Variants in NEAT1 observed in about 807,000 individuals in gnomAD.
NEAT1 encodes the protein nuclear paraspeckle assembly transcript 1.
chr11:65,440,540 G>GA (rs1276231070), exon 1 of NEAT1: 1 of 152,006 alleles, frequency 6.6e-6, no homozygotes, highest in African/African-American at 2.4e-5. Flanking sequence ...CAAATGCTGG[G>GA]AGGGAGGCAG....
At chr11:65,430,667 G>C (rs755167876) in exon 1 of NEAT1, 1 of 152,202 alleles carries the variant, frequency 6.6e-6, no homozygotes, top group Admixed American at 6.5e-5. Context: ...ACTTTAAATC[G>C]TGCAGCTGTG....
chr11:65,425,229 G>C (rs1275649734), exon 1 of NEAT1: 1 of 152,152 alleles, frequency 6.6e-6, no homozygotes, highest in Non-Finnish European at 1.5e-5. Context: ...AAATTGTTTT[G>C]CTTTGCTACA....
At chr11:65,438,306 A>G (rs560092562) in exon 1 of NEAT1, 2 of 152,274 alleles carry the variant, frequency 1.3e-5, no homozygotes, top group Non-Finnish European at 2.9e-5. Context: ...ATATTTATGT[A>G]TGTATTTTAT....
chr11:65,426,719 G>A (rs915885496), exon 1 of NEAT1: 1 of 152,188 alleles, frequency 6.6e-6, no homozygotes, highest in Non-Finnish European at 1.5e-5. Flanking sequence ...ACTGCTGAGT[G>A]GGGATGGGAT....
At chr11:65,442,479 T>A (rs936185783) in exon 1 of NEAT1, 2 of 152,280 alleles carry the variant, frequency 1.3e-5, no homozygotes, top group Admixed American at 6.5e-5. Flanking sequence ...CCTGAAGTCA[T>A]GCAAGCTGGG....
chr11:65,425,336 C>G (rs989080075), exon 1 of NEAT1: 3 of 152,128 alleles, frequency 2.0e-5, no homozygotes, highest in African/African-American at 7.2e-5. Context: ...TGCCATCTCA[C>G]AGGCAGGGGA....
chr11:65,433,950 T>C (rs1187956487), exon 1 of NEAT1: 1 of 152,182 alleles, frequency 6.6e-6, no homozygotes, highest in Non-Finnish European at 1.5e-5. Flanking sequence ...TCTTTTCATA[T>C]AATTTTGCAA....
exon 1 of NEAT1, chr11:65,429,451 A>ATC (rs1283493925): frequency 1.3e-5 from 2 of 151,520 alleles, no homozygotes; most frequent in Non-Finnish European, 2.9e-5. Flanking sequence ...GTGACTGAAC[A>ATC]TCTCTACCTT....
At chr11:65,437,213 A>ATATATATATATATACATATATATATATG (rs1856667749) in exon 1 of NEAT1, 1 of 130,952 alleles carries the variant, frequency 7.6e-6, no homozygotes, top group African/African-American at 3.1e-5. Flanking sequence ...ATATATATGT[A>ATATATATATATATACATATATATATATG]TATATATATA....
exon 1 of NEAT1, chr11:65,444,201 C>G (rs1856742096): frequency 3.2e-6 from 1 of 307,962 alleles, no homozygotes; most frequent in Non-Finnish European, 6.3e-6. Context: ...ACACATTCCC[C>G]ACCCCTTTGA....
chr11:65,439,386 A>G (rs1289105189), exon 1 of NEAT1: 1 of 152,200 alleles, frequency 6.6e-6, no homozygotes, highest in Non-Finnish European at 1.5e-5. Flanking sequence ...TTGTATTTTA[A>G]AAGTGACTTG....
chr11:65,441,252 CATGGCACGG>C (rs563540939), exon 1 of NEAT1: 3 of 152,198 alleles, frequency 2.0e-5, no homozygotes, highest in African/African-American at 7.2e-5. Context: ...CTGCAGGCTG[CATGGCACGG>C]AGGGTCTTGT....
At chr11:65,444,782 G>A in exon 1 of NEAT1, 1 of 278,700 alleles carries the variant, frequency 3.6e-6, no homozygotes. Context: ...AGGCTGGTGG[G>A]GCCCTGTGCT....
At chr11:65,441,414 C>G (rs1856713158) in exon 1 of NEAT1, 1 of 152,214 alleles carries the variant, frequency 6.6e-6, no homozygotes, top group Admixed American at 6.5e-5. Context: ...TCCTCCCCCG[C>G]TCAACCTCCC....
chr11:65,430,083 G>A (rs776036777), exon 1 of NEAT1: 1 of 152,188 alleles, frequency 6.6e-6, no homozygotes, highest in Non-Finnish European at 1.5e-5. Flanking sequence ...TGGACTACTT[G>A]GCAACTTTAT....
At chr11:65,423,756 C>G (rs913123521) in exon 1 of NEAT1, 1 of 152,138 alleles carries the variant, frequency 6.6e-6, no homozygotes, top group African/African-American at 2.4e-5. Context: ...CTGGTAAGCC[C>G]GGGACAGTAA....
At chr11:65,444,100 G>T (rs1856741309) in exon 1 of NEAT1, 2 of 226,896 alleles carry the variant, frequency 8.8e-6, no homozygotes, top group Non-Finnish European at 1.8e-5. Flanking sequence ...GGAGGCTGAA[G>T]TTGAAGCGAG....
rs141580346 is a variant in NEAT1, at chr11:65,444,914, C to T, written n.22117C>T. 1.7e-3 allele frequency: 342 copies of T among 206,414 alleles called. 2 individuals are homozygous for T. The highest frequency in any genetic ancestry group is 2.5e-3 in the Non-Finnish European group (248 of 99,558). 12.8% of individuals were successfully genotyped at this position (206,414 alleles called of 1,614,324 possible). A position where few individuals can be genotyped will look rare whatever the true frequency, so the allele number is the denominator to read the frequency against. On this transcript the variant is annotated non_coding_transcript_exon_variant, in exon 1 of 1. Transcript: ENST00000501122. ...CTGCGTGACCTCAGGTGCTTGGGGC[C>T]CAGCAGACCCAGAGAACCATTTCCA... is the stretch of plus-strand genomic sequence containing the variant.
chr11:65,435,154 ATGGCT>A (rs1856647471), exon 1 of NEAT1: 1 of 152,232 alleles, frequency 6.6e-6, no homozygotes, highest in African/African-American at 2.4e-5. Context: ...AGGTAAGTCC[ATGGCT>A]AATGTTATTA....
Sources: gnomAD v4.1 joint callset for allele counts on GRCh38, gnomAD v4.1.1 for gene constraint, MANE v1.5 for transcripts, NCBI Gene and HGNC (gene_info 2026-07-23, HGNC 2026-07-21) for gene names.